Variants in CDH8 observed in about 807,000 individuals in gnomAD.
CDH8 encodes cadherin-8.
CDH8 carries 17 observed loss-of-function variants against 68.1 expected under a neutral mutation model. That is an observed-to-expected ratio of 0.25 (90% CI 0.17 to 0.37). The LOEUF (loss-of-function observed/expected upper bound fraction) is 0.37. Ranked by LOEUF, CDH8 falls within the 10% of genes least tolerant of loss-of-function variation. The pLI is 1.00. For synonymous variants in CDH8, 372 were observed against 365.1 expected (o/e 1.02, Z -0.21); for missense variants, 763 against 999.3 (o/e 0.76, Z 3.19).
Position 61,950,758 on chromosome 16 carries a change from CG to C in CDH8, c.253-49286del, listed in dbSNP as rs571771940. ...GTCTTTTGTGGGAACATGGATGGGA[CG>C]GGGGCCATTACCCTTTGCAAACTAA... On this transcript the variant is annotated intron_variant, in intron 2 of 11. Transcript: ENST00000577390. Among the ~76,000 whole-genome samples the C allele has an allele frequency of 3.1e-3, 472 of 152,082 alleles. 4 individuals are homozygous for C. The highest frequency in any genetic ancestry group is 2.2e-3 in the Non-Finnish European group (148 of 67,994).
intron 9 of CDH8, among the ~76,000 whole-genome samples, chr16:61,715,539 T>G (rs984202869): frequency 1.3e-5 from 2 of 151,366 alleles, no homozygotes; most frequent in Non-Finnish European, 3.0e-5. Context: ...CAATAAAATT[T>G]TAGTCATCAT....
chr16:61,777,043 G>A (rs1388619370), intron 8 of CDH8, among the ~76,000 whole-genome samples: 1 of 151,962 alleles, frequency 6.6e-6, no homozygotes, highest in Non-Finnish European at 1.5e-5. Flanking sequence ...AGTGAGCATG[G>A]ATAAATGAAA....
At chr16:61,681,091 G>T (rs984882611) in intron 10 of CDH8, among the ~76,000 whole-genome samples, 1 of 151,996 alleles carries the variant, frequency 6.6e-6, no homozygotes, top group East Asian at 1.9e-4. Flanking sequence ...GTACAATGGG[G>T]TAGTCACTTT....
At chr16:61,827,027 C>T (rs567309774) in intron 4 of CDH8, among the ~76,000 whole-genome samples, 1 of 151,698 alleles carries the variant, frequency 6.6e-6, no homozygotes, top group African/African-American at 2.4e-5. Context: ...AATATATCAA[C>T]CATTCAGATT....
chr16:61,706,620 C>CAAAAAAAAAAAAAA (rs781148249), intron 10 of CDH8, among the ~76,000 whole-genome samples: 646 of 60,340 alleles, frequency 0.011, 48 homozygotes, highest in East Asian at 0.024. Flanking sequence ...GACTCTGTCT[C>CAAAAAAAAAAAAAA]AAAAAAAAAA....
At chr16:61,790,358 C>G (rs1453265827) in intron 7 of CDH8, among the ~76,000 whole-genome samples, 1 of 151,940 alleles carries the variant, frequency 6.6e-6, no homozygotes, top group Non-Finnish European at 1.5e-5. Flanking sequence ...CATTTCCTGG[C>G]TATGGAATGC....
chr16:62,029,212 C>A (rs940769902), intron 1 of CDH8, among the ~76,000 whole-genome samples: 2 of 152,136 alleles, frequency 1.3e-5, no homozygotes, highest in Admixed American at 6.5e-5. Flanking sequence ...GTCAATGTAG[C>A]TATTGTAGTA....
intron 3 of CDH8, 46 bp from the exon 4 acceptor site, chr16:61,857,284 C>T: frequency 1.9e-6 from 3 of 1,541,154 alleles, no homozygotes; most frequent in South Asian, 1.1e-5. Flanking sequence ...ACACATTGTC[C>T]TTTGCCAAGA....
chr16:61,693,797 T>C (rs1456287682), intron 10 of CDH8: 1 of 152,130 alleles, frequency 6.6e-6, no homozygotes, highest in African/African-American at 2.4e-5. Context: ...GTTTTTCTGC[T>C]TGGGAGTTCT....
At chr16:61,961,369 G>A (rs1965152090) in intron 2 of CDH8, among the ~76,000 whole-genome samples, 1 of 151,816 alleles carries the variant, frequency 6.6e-6, no homozygotes, top group Non-Finnish European at 1.5e-5. Context: ...AACATCTCCA[G>A]CAGCAGCGAA....
chr16:62,024,405 G>A (rs1032235039), intron 1 of CDH8, among the ~76,000 whole-genome samples: 19 of 152,112 alleles, frequency 1.2e-4, no homozygotes, highest in African/African-American at 4.3e-4. Flanking sequence ...CACTCTGCAA[G>A]TATACTCTGG....
At chr16:61,996,830 C>T in intron 2 of CDH8, among the ~76,000 whole-genome samples, 1 of 152,146 alleles carries the variant, frequency 6.6e-6, no homozygotes, top group African/African-American at 2.4e-5. Context: ...ATACTCCGAC[C>T]TCACTCAGCC....
intron 2 of CDH8, among the ~76,000 whole-genome samples, chr16:61,930,979 C>T (rs1477193997): frequency 6.6e-6 from 1 of 152,166 alleles, no homozygotes. Flanking sequence ...GTTTGACTAG[C>T]TAAATGCTCA....
chr16:61,926,386 T>C (rs1964457669), intron 2 of CDH8, among the ~76,000 whole-genome samples: 1 of 152,158 alleles, frequency 6.6e-6, no homozygotes, highest in South Asian at 2.1e-4. Context: ...TCACATTCCT[T>C]TCCAAAGTCT....
At chr16:61,958,067 T>G (rs1393872288) in intron 2 of CDH8, among the ~76,000 whole-genome samples, 1 of 152,130 alleles carries the variant, frequency 6.6e-6, no homozygotes, top group Non-Finnish European at 1.5e-5. Flanking sequence ...TATGTGGAAA[T>G]AAAAGAGTTT....
At chr16:61,869,226 A>C (rs2143030592) in intron 3 of CDH8, among the ~76,000 whole-genome samples, 1 of 152,216 alleles carries the variant, frequency 6.6e-6, no homozygotes, top group South Asian at 2.1e-4. Flanking sequence ...TTGGAGTACC[A>C]ATGATGAATA....
intron 3 of CDH8, among the ~76,000 whole-genome samples, chr16:61,876,575 A>G (rs925165372): frequency 6.6e-6 from 1 of 152,068 alleles, no homozygotes; most frequent in African/African-American, 2.4e-5. Flanking sequence ...CATTATCAGG[A>G]AGAAGGCCTC....
At chr16:61,756,360 G>A (rs1341999696) in intron 8 of CDH8, among the ~76,000 whole-genome samples, 3 of 151,928 alleles carry the variant, frequency 2.0e-5, no homozygotes. Context: ...TGAAACCATT[G>A]AAAACCATTT....
At chr16:61,982,718 C>T (rs373469991) in intron 2 of CDH8, among the ~76,000 whole-genome samples, 1 of 152,186 alleles carries the variant, frequency 6.6e-6, no homozygotes, top group East Asian at 1.9e-4. Flanking sequence ...AGAAGTAATT[C>T]TAGCAGTTTT....
Sources: gnomAD v4.1 joint callset for allele counts (sites outside exome capture counted in the v4.1 genomes callset) on GRCh38, gnomAD v4.1.1 for gene constraint, MANE v1.5 for transcripts, NCBI Gene and HGNC (gene_info 2026-07-23, HGNC 2026-07-21) for gene names.